The following PUDP variants were observed in gnomAD, a reference collection of about 807,000 sequenced individuals.
PUDP encodes the protein pseudouridine 5'-phosphatase.
Under a neutral mutation model 9.4 loss-of-function variants are expected in PUDP, and 8 were observed. The observed-to-expected ratio is 0.85, with a 90% CI of 0.50 to 1.53. PUDP has a LOEUF of 1.53. Among genes scored for constraint, PUDP ranks in the 40% most tolerant of loss-of-function variants. PUDP has a pLI of 0.00. For missense variants in PUDP, 188 were observed against 189.7 expected, an observed-to-expected ratio of 0.99 and a Z score of 0.05; for synonymous variants, 99 against 80.7, an observed-to-expected ratio of 1.23 and a Z score of -1.22.
At chrX:7,143,227 T>C (rs1445600933) in intron 1 of PUDP, among the ~76,000 whole-genome samples, 1 of 111,490 alleles carries the variant, frequency 9.0e-6, no homozygotes, top group East Asian at 2.8e-4. Flanking sequence ...GAATACAGTA[T>C]AGTATAAACC....
chrX:7,049,846 TAGAAGAG>T lies in PUDP; in HGVS notation c.*443_*449del, dbSNP rs1180742600. 9.7e-6 allele frequency: 1 copy of T among 103,266 alleles called. No homozygotes were observed. Among genetic ancestry groups the T allele is most frequent in the South Asian group, 4.7e-4 (1 of 2,112 alleles). The allele number at this position is 103,266 out of a possible 1,213,427, so 8.5% of individuals were successfully genotyped here. On this transcript the variant is annotated 3_prime_UTR_variant, in exon 4 of 4. Coordinates refer to ENST00000381077, the MANE Select transcript of PUDP (RefSeq NM_012080.5). ...TTTCCCAGCCAGTGTTCAGAAAAACTAGAAGAGAGAAGTGATGTTCCATTTTGTCTTG... is the reference window on the plus strand; with the variant it reads ...TTTCCCAGCCAGTGTTCAGAAAAACTAGAAGTGATGTTCCATTTTGTCTTG...
At position 6,769,582 on chromosome X, in the gene PUDP, T is replaced by C. The variant is rs191198776; in HGVS notation, c.*248-63116A>G. ...AACCAGGATTATGCTTTTTCTTTCT[T>C]GTTTCCTTCTTGTTTGTGTTGTCAT... On this transcript the variant is annotated intron_variant and NMD_transcript_variant, in intron 3 of 3. Transcript: ENST00000655425. 1.4e-3 allele frequency among the ~76,000 whole-genome samples: 158 copies of C among 112,506 alleles called. 2 individuals carry two copies. The highest frequency in any genetic ancestry group is 8.4e-4 in the Non-Finnish European group (45 of 53,297).
At chrX:6,877,167 C>G (rs994344040) in intron 3 of PUDP, among the ~76,000 whole-genome samples, 2 of 110,005 alleles carry the variant, frequency 1.8e-5, no homozygotes, top group Non-Finnish European at 3.8e-5. Context: ...CTATGTTGAT[C>G]AGGCTGGTCT....
intron 3 of PUDP, among the ~76,000 whole-genome samples, chrX:6,972,139 T>C (rs962054938): frequency 1.2e-4 from 13 of 112,211 alleles, no homozygotes; most frequent in African/African-American, 1.6e-4. Context: ...TTTCTAAATA[T>C]ACAATCATGT....
chrX:6,948,399 C>T (rs746244604), intron 3 of PUDP, among the ~76,000 whole-genome samples: 1 of 112,054 alleles, frequency 8.9e-6, no homozygotes, highest in Non-Finnish European at 1.9e-5. Context: ...TAAATACCAA[C>T]TCTGGTCTCT....
rs193168015 is a variant in PUDP at position 6,992,063 on chromosome X, T to C, written c.205-13720A>G. Among the ~76,000 whole-genome samples the C allele has an allele frequency of 4.3e-3, 474 of 110,653 alleles. 2 individuals carry two copies. Among genetic ancestry groups the C allele is most frequent in the African/African-American group, 0.015 (465 of 30,547 alleles). On this transcript the variant is annotated intron_variant and NMD_transcript_variant, in intron 1 of 3. Coordinates refer to the PUDP transcript ENST00000655425. ...ATGTCATAGTTATGCTAATGACATG[T>C]ATTCTATTTTATTTTTACTTAGAGA... is the stretch of plus-strand genomic sequence containing the variant.
At chrX:6,737,385 G>A (rs1349926903) in intron 3 of PUDP, among the ~76,000 whole-genome samples, 1 of 111,870 alleles carries the variant, frequency 8.9e-6, no homozygotes, top group Non-Finnish European at 1.9e-5. Flanking sequence ...CTTGGGGTAG[G>A]GAGTTGCAAT....
At chrX:6,969,773 TAGGG>T (rs1166088139) in intron 3 of PUDP, among the ~76,000 whole-genome samples, 13 of 111,872 alleles carry the variant, frequency 1.2e-4, no homozygotes, top group African/African-American at 4.2e-4. Flanking sequence ...TCCCAGCTAC[TAGGG>T]AAGCTGAGGT....
At chrX:6,806,732 C>G (rs1569102985) in intron 3 of PUDP, among the ~76,000 whole-genome samples, 1 of 111,662 alleles carries the variant, frequency 9.0e-6, no homozygotes, top group Non-Finnish European at 1.9e-5. Context: ...GATCCATGAC[C>G]CTGTATTTCC....
chrX:6,805,201 T>C (rs1157074567), intron 3 of PUDP, among the ~76,000 whole-genome samples: 4 of 110,503 alleles, frequency 3.6e-5, no homozygotes, highest in African/African-American at 1.3e-4. Context: ...GCCTGGGAGG[T>C]CGAGGCTGCA....
intron 3 of PUDP, among the ~76,000 whole-genome samples, chrX:6,973,919 A>C (rs1184198161): frequency 2.7e-5 from 3 of 111,752 alleles, no homozygotes; most frequent in African/African-American, 9.8e-5. Context: ...TAGGATAGTT[A>C]GCTCTTCTTG....
At chrX:7,096,196 CAA>C (rs113705763) in intron 2 of PUDP, among the ~76,000 whole-genome samples, 46 of 104,386 alleles carry the variant, frequency 4.4e-4, no homozygotes, top group Non-Finnish European at 5.1e-4. Context: ...GACCTACTTC[CAA>C]AAAAAAAAAA....
At chrX:6,917,722 A>G (rs767152838) in intron 3 of PUDP, among the ~76,000 whole-genome samples, 14 of 112,149 alleles carry the variant, frequency 1.2e-4, no homozygotes, top group Non-Finnish European at 2.4e-4. Context: ...ATAGAACTTA[A>G]TGACCTTCCT....
intron 3 of PUDP, among the ~76,000 whole-genome samples, chrX:7,067,448 G>C (rs1205773451): frequency 8.9e-6 from 1 of 112,040 alleles, no homozygotes; most frequent in Non-Finnish European, 1.9e-5. Context: ...CTGGAAACCA[G>C]TCTGGAGGAA....
At chrX:6,814,787 T>A (rs903902686) in intron 3 of PUDP, among the ~76,000 whole-genome samples, 1 of 112,006 alleles carries the variant, frequency 8.9e-6, no homozygotes, top group Non-Finnish European at 1.9e-5. Flanking sequence ...AATGTGATTA[T>A]GTTACTCCTC....
intron 3 of PUDP, among the ~76,000 whole-genome samples, chrX:6,941,199 T>A (rs750992346): frequency 1.5e-4 from 17 of 111,153 alleles, no homozygotes; most frequent in Non-Finnish European, 3.0e-4. Context: ...AGTGGAGATT[T>A]TTATTGTAAG....
downstream of PUDP, among the ~76,000 whole-genome samples, chrX:7,047,002 T>C (rs1391259383): frequency 1.2e-4 from 14 of 112,088 alleles, no homozygotes; most frequent in African/African-American, 4.2e-4. Context: ...ACAAGGGTGA[T>C]AGTTTTACAG....
At chrX:7,021,657 T>A (rs1929636092) in intron 1 of PUDP, among the ~76,000 whole-genome samples, 1 of 112,078 alleles carries the variant, frequency 8.9e-6, no homozygotes, top group Admixed American at 9.4e-5. Context: ...TGGATATGAG[T>A]ATGTCATATC....
intron 1 of PUDP, among the ~76,000 whole-genome samples, chrX:7,021,677 A>G (rs1028797656): frequency 1.1e-4 from 12 of 111,889 alleles, no homozygotes; most frequent in Non-Finnish European, 2.1e-4. Context: ...CCATATGCGT[A>G]TGTCAAAACT....
Sources: allele counts gnomAD v4.1 joint callset (sites outside exome capture counted in the v4.1 genomes callset), GRCh38; gene constraint gnomAD v4.1.1; transcripts MANE v1.5; gene names NCBI Gene and HGNC (gene_info 2026-07-23, HGNC 2026-07-21).